Variants in ITIH1 observed in about 807,000 individuals in gnomAD.
The protein encoded by ITIH1 is inter-alpha-trypsin inhibitor heavy chain 1, also known as inter-alpha-trypsin inhibitor heavy chain H1.
ITIH1 carries 94 observed loss-of-function variants against 104.6 expected under a neutral mutation model. The observed-to-expected ratio is 0.90, with a 90% CI of 0.76 to 1.07. The LOEUF (loss-of-function observed/expected upper bound fraction) is 1.07, where lower values mean the gene tolerates loss of function less well. Among genes scored for constraint, ITIH1 ranks in the 50% least tolerant of loss-of-function variants. ITIH1 has a pLI of 0.00. For missense variants in ITIH1, 1,193 were observed against 1,181.4 expected (o/e 1.01, Z -0.14); for synonymous variants, 455 against 464.4 (o/e 0.98, Z 0.26).
At chr3:52,791,747 C>T (rs780372166) in intron 21 of ITIH1, 35 bp from the exon 22 acceptor site, 20 of 1,606,668 alleles carry the variant, frequency 1.2e-5, no homozygotes, top group East Asian at 4.5e-5. Context: ...CCTACTGGTC[C>T]GAAGGGTGAC....
In ITIH1 at chr3:52,778,471, A is replaced by T. The variant is rs1490442334; in HGVS notation, c.270A>T (p.Glu90Asp). ...NEAREVAFDL[E>D]IPKTAFISDF... ...CCAGGGAAGTGGCCTTCGACCTGGA[A>T]ATCCCCAAGACAGCATTCATCAGTG... The change falls in exon 3 of 22, where the codon GAA becomes GAT. Residue 90 changes from glutamate (E) to aspartate (D), a missense_variant. By Grantham distance (45) the Glu-to-Asp change is conservative. Coordinates refer to ENST00000273283, the MANE Select transcript of ITIH1 (RefSeq NM_002215.4). 1 of 1,614,210 alleles carries T rather than the reference A, an allele frequency of 6.2e-7. No individual in the cohort carries two copies. The highest frequency in any genetic ancestry group is 1.7e-5 in the Admixed American group (1 of 60,022).
chr3:52,791,061 G>A (rs535117969), intron 20 of ITIH1, 140 bp downstream of exon 20: 273 of 805,544 alleles, frequency 3.4e-4, no homozygotes, highest in Non-Finnish European at 4.2e-4. Context: ...GAGCAGAGCC[G>A]TCTGAGGGGC....
At chr3:52,789,161 C>CT in intron 18 of ITIH1, among the ~76,000 whole-genome samples, 1 of 113,494 alleles carries the variant, frequency 8.8e-6, no homozygotes, top group Admixed American at 1.0e-4. Flanking sequence ...CCAAGATAGT[C>CT]CCGCTTTCAT....
At position 52,779,408 on chromosome 3, in the gene ITIH1, T is replaced by C. The variant is rs1293906754; in HGVS notation, c.411-24T>C. On this transcript the variant is annotated intron_variant, in intron 4 of 21. Coordinates refer to ENST00000273283, the MANE Select transcript of ITIH1 (RefSeq NM_002215.4). This position sits in a 1 kb window ranked among gnomAD's most constrained non-coding sequence, Gnocchi z 4.4. ...TGTCATTTACCCTCTGTCTGTCTGC[T>C]GTTGCCTCTGGTGGCACATCCAGGG... 6.2e-7 allele frequency: 1 copy of C among 1,613,848 alleles called. No homozygotes were observed. The highest frequency in any genetic ancestry group is 1.7e-5 in the Admixed American group (1 of 60,034).
chr3:52,781,280 CTT>C (rs1172902643), intron 6 of ITIH1, among the ~76,000 whole-genome samples: 9 of 139,774 alleles, frequency 6.4e-5, no homozygotes, highest in Non-Finnish European at 7.6e-5. Context: ...TCTTCTTCTT[CTT>C]CTTCCTCTTC....
At chr3:52,791,223 C>T (rs1699348223) in intron 20 of ITIH1, among the ~76,000 whole-genome samples, 1 of 152,034 alleles carries the variant, frequency 6.6e-6, no homozygotes, top group Admixed American at 6.5e-5. Flanking sequence ...CCACACTGCT[C>T]CTGTGTGGCC....
At chr3:52,787,894 C>T in intron 16 of ITIH1, 92 bp from the exon 17 acceptor site, 1 of 1,298,822 alleles carries the variant, frequency 7.7e-7, no homozygotes, top group East Asian at 2.3e-5. Flanking sequence ...TCAGGCCAGC[C>T]CCACCAGTGA....
At chr3:52,787,863 G>A (rs535612658) in intron 16 of ITIH1, 123 bp from the exon 17 acceptor site, 1 of 1,011,472 alleles carries the variant, frequency 9.9e-7, no homozygotes, top group East Asian at 2.4e-5. Flanking sequence ...GATGTTGAGT[G>A]GACATCCCTG....
Position 52,788,086 on chromosome 3 carries a change from T to C in ITIH1, c.2005+20T>C. 6.3e-7 allele frequency: 1 copy of C among 1,583,740 alleles called. No individual in the cohort carries two copies. Among genetic ancestry groups the C allele is most frequent in the Non-Finnish European group, 8.6e-7 (1 of 1,161,994 alleles). ...CCGGCGGTGAGTCCTTGGAAGGGTCTGAGGGACACCCCTGTTTGGGACCCA... is the reference window on the plus strand; with the variant it reads ...CCGGCGGTGAGTCCTTGGAAGGGTCCGAGGGACACCCCTGTTTGGGACCCA... On this transcript the variant is annotated intron_variant, in intron 17 of 21. Transcript: ENST00000273283.
At chr3:52,788,124 G>C (rs1559465372) in intron 17 of ITIH1, 58 bp downstream of exon 17, 3 of 1,522,522 alleles carry the variant, frequency 2.0e-6, no homozygotes, top group South Asian at 1.2e-5. Flanking sequence ...CTATCTGGCT[G>C]TCTCTCTCTC....
chr3:52,789,610 G>A, intron 18 of ITIH1, 43 bp from the exon 19 acceptor site: 3 of 1,571,142 alleles, frequency 1.9e-6, no homozygotes, highest in Non-Finnish European at 2.6e-6. Context: ...GCAAAGGCAG[G>A]CAGGCCCCTT....
At chr3:52,783,825 G>A (rs1401777701) in intron 10 of ITIH1, among the ~76,000 whole-genome samples, 2 of 152,002 alleles carry the variant, frequency 1.3e-5, no homozygotes, top group Non-Finnish European at 1.5e-5. Flanking sequence ...GACCCAGGGG[G>A]ATGTCCGGGA....
intron 1 of ITIH1, 41 bp downstream of exon 1, chr3:52,777,773 C>G: frequency 6.6e-7 from 1 of 1,522,018 alleles, no homozygotes. Context: ...GGCAGCTGAA[C>G]CTGGATGAGG....
chr3:52,777,993 G>A lies in ITIH1; in HGVS notation c.118-4G>A. ...TCACACTTGACCCTGATTTTGTTTT[G>A]CAGAAGCGACAGGCTGTGGACACCG... is the stretch of plus-strand genomic sequence containing the variant. On this transcript the variant is annotated splice_region_variant and splice_polypyrimidine_tract_variant and intron_variant, in intron 1 of 21. Transcript: ENST00000273283. 1 of 1,614,210 alleles carries A rather than the reference G, an allele frequency of 6.2e-7. No homozygotes were observed. The highest frequency in any genetic ancestry group is 8.5e-7 in the Non-Finnish European group (1 of 1,180,046).
chr3:52,778,856 T>A, intron 3 of ITIH1, 86 bp from the exon 4 acceptor site: 1 of 1,150,512 alleles, frequency 8.7e-7, no homozygotes, highest in Non-Finnish European at 1.3e-6. Context: ...GACGTCCTTA[T>A]CCAAGGGCTC....
intron 13 of ITIH1, 44 bp from the exon 14 acceptor site, chr3:52,786,901 C>T (rs2154108601): frequency 1.9e-6 from 3 of 1,564,424 alleles, no homozygotes; most frequent in Middle Eastern, 1.7e-4. Flanking sequence ...AGGATGAGGG[C>T]CGTGCAAGTC....
rs148587965 is a variant in ITIH1, at chr3:52,787,112, G to A, written c.1888+13G>A. On this transcript the variant is annotated intron_variant, in intron 14 of 21. Coordinates refer to ENST00000273283, the MANE Select transcript of ITIH1 (RefSeq NM_002215.4). The stretch of plus-strand genomic sequence containing the variant: ...AAGCCCTCAGAGGGTATAGGCTGCA[G>A]GGGTCTACAGAAGGGAGAGGCCATG... The A allele has an allele frequency of 1.6e-4, 258 of 1,614,216 alleles. No individual in the cohort carries two copies. The East Asian group carries it at 5.2e-3, about 32-fold the overall frequency.
At chr3:52,780,121 G>A (rs974396403) in intron 5 of ITIH1, 148 bp from the exon 6 acceptor site, 7 of 907,770 alleles carry the variant, frequency 7.7e-6, no homozygotes, top group East Asian at 2.7e-5. Flanking sequence ...TAGAGAATTT[G>A]CTTCAGTGTG....
intron 6 of ITIH1, among the ~76,000 whole-genome samples, chr3:52,780,721 T>C (rs1438335701): frequency 1.3e-5 from 2 of 152,212 alleles, no homozygotes; most frequent in Admixed American, 6.5e-5. Flanking sequence ...CAGGGAAATA[T>C]CCAGCACATA....
Sources: allele counts gnomAD v4.1 joint callset (sites outside exome capture counted in the v4.1 genomes callset), GRCh38; gene constraint gnomAD v4.1.1; non-coding constraint Gnocchi (gnomAD v3.1); transcripts MANE v1.5; gene names NCBI Gene and HGNC (gene_info 2026-07-23, HGNC 2026-07-21).